The following UGP2 variants were observed in gnomAD, a reference collection of about 807,000 sequenced individuals.
UGP2 encodes the protein UTP--glucose-1-phosphate uridylyltransferase.
A neutral mutation model predicts 49.0 loss-of-function variants in UGP2; 40 were observed. The observed-to-expected ratio is 0.82, with a 90% CI of 0.63 to 1.06. The LOEUF (loss-of-function observed/expected upper bound fraction) is 1.06, where lower values mean the gene tolerates loss of function less well. UGP2 is among the 50% of genes least tolerant of loss of function. The pLI is 0.00. For missense variants in UGP2, 460 were observed against 603.5 expected (o/e 0.76, Z 2.49); for synonymous variants, 225 against 213.0 (o/e 1.06, Z -0.49).
Position 63,874,441 on chromosome 2 carries a change from A to G in UGP2, c.256-8025A>G, listed in dbSNP as rs565193038. Among the ~76,000 whole-genome samples, 15 of 152,310 alleles carry G rather than the reference A, an allele frequency of 9.8e-5. No individual in the cohort carries two copies. The South Asian group carries it at 3.1e-3, about 32-fold the overall frequency. ...TAGCAGCCGAGTATGTTATATTGCC[A>G]TAGAGACAGGAGTAATTGAAGCTGA... On this transcript the variant is annotated intron_variant, in intron 3 of 9. Transcript: ENST00000337130.
intron 3 of UGP2, chr2:63,862,732 A>G: frequency 2.2e-6 from 1 of 445,570 alleles, no homozygotes; most frequent in Non-Finnish European, 4.5e-6. Context: ...AGGTGGTAAT[A>G]CTACTATTTG....
At chr2:63,890,329 A>C in intron 9 of UGP2, 144 bp downstream of exon 9, 1 of 621,448 alleles carries the variant, frequency 1.6e-6, no homozygotes, top group Non-Finnish European at 2.8e-6. Flanking sequence ...TACTGAAATG[A>C]GAATCTTTAA....
intron 1 of UGP2, chr2:63,854,892 TG>T (rs900205009): frequency 1.3e-5 from 2 of 152,302 alleles, no homozygotes; most frequent in Non-Finnish European, 2.9e-5. Flanking sequence ...AGTCTGCCTC[TG>T]AAACTTAGAC....
chr2:63,856,328 A>G lies in UGP2; in HGVS notation c.42A>G (p.Gln14=), dbSNP rs371821747. 10 of 1,613,650 alleles carry G rather than the reference A, an allele frequency of 6.2e-6. No individual in the cohort carries two copies. The African/African-American group carries it at 8.0e-5, about 13-fold the overall frequency. Residue 14 remains glutamine (Q), a synonymous_variant, in exon 2 of 10, where the codon CAA becomes CAG. Coordinates refer to ENST00000337130, the MANE Select transcript of UGP2 (RefSeq NM_006759.4). ...AAGATCTTAGCAAAGCAATGTCTCAAGATGGTGCTTCTCAGTTCCAAGAAG... is the reference window on the plus strand; with the variant it reads ...AAGATCTTAGCAAAGCAATGTCTCAGGATGGTGCTTCTCAGTTCCAAGAAG... ...FVQDLSKAMS[Q]DGASQFQEVI...
chr2:63,847,924 A>C (rs1020707154), intron 1 of UGP2, among the ~76,000 whole-genome samples: 4 of 152,238 alleles, frequency 2.6e-5, no homozygotes, highest in African/African-American at 9.6e-5. Flanking sequence ...AGGCATTATG[A>C]GTTCTCAGAA....
intron 1 of UGP2, 178 bp downstream of exon 1, chr2:63,842,382 C>A (rs760040066): frequency 3.1e-6 from 5 of 1,598,504 alleles, no homozygotes; most frequent in Middle Eastern, 1.7e-4. Flanking sequence ...GTTCCAGACG[C>A]GTATAATTTA....
chr2:63,866,766 A>G (rs1670211786), intron 3 of UGP2, among the ~76,000 whole-genome samples: 1 of 152,166 alleles, frequency 6.6e-6, no homozygotes, highest in African/African-American at 2.4e-5. Flanking sequence ...CTCATTGTCA[A>G]TTGGGGGATC....
intron 1 of UGP2, among the ~76,000 whole-genome samples, chr2:63,844,507 G>A (rs1671797718): frequency 6.6e-6 from 1 of 151,968 alleles, no homozygotes; most frequent in African/African-American, 2.4e-5. Context: ...TGCCCTTACA[G>A]GTGAGGAAAG....
chr2:63,855,520 GTTTTTTTT>G (rs372160888), intron 1 of UGP2: 9 of 194,312 alleles, frequency 4.6e-5, no homozygotes, highest in East Asian at 1.7e-4. Flanking sequence ...TTCTTTTTCT[GTTTTTTTT>G]TTTTTTTTTT....
intron 1 of UGP2, among the ~76,000 whole-genome samples, chr2:63,845,867 C>A (rs1671893761): frequency 6.6e-6 from 1 of 152,050 alleles, no homozygotes; most frequent in Admixed American, 6.6e-5. Context: ...TCTCCATCCT[C>A]AAGCATATTG....
chr2:63,887,279 ATT>A (rs1384112605), intron 7 of UGP2, 121 bp from the exon 8 acceptor site: 17 of 1,028,328 alleles, frequency 1.7e-5, no homozygotes, highest in East Asian at 2.9e-5. Context: ...AAAAAAAAAA[ATT>A]TTTTTTTTTC....
At chr2:63,859,736 T>C (rs1190634463) in intron 3 of UGP2, among the ~76,000 whole-genome samples, 6 of 152,238 alleles carry the variant, frequency 3.9e-5, no homozygotes, top group East Asian at 1.9e-4. Flanking sequence ...TTTTTCTGTT[T>C]ATAAAAGTGT....
intron 3 of UGP2, among the ~76,000 whole-genome samples, chr2:63,860,283 T>A (rs1310339466): frequency 6.6e-6 from 1 of 152,240 alleles, no homozygotes; most frequent in Non-Finnish European, 1.5e-5. Flanking sequence ...TATTTTTGTG[T>A]ATGAGTTGAC....
At chr2:63,860,017 G>GCCT (rs1669724152) in intron 3 of UGP2, among the ~76,000 whole-genome samples, 1 of 152,048 alleles carries the variant, frequency 6.6e-6, no homozygotes, top group Admixed American at 6.5e-5. Flanking sequence ...CCTCCTTCTA[G>GCCT]CCTCCTCGTC....
At chr2:63,871,545 C>T (rs1670554808) in intron 3 of UGP2, among the ~76,000 whole-genome samples, 1 of 152,258 alleles carries the variant, frequency 6.6e-6, no homozygotes, top group Admixed American at 6.5e-5. Flanking sequence ...CTCGGCCTCC[C>T]AGTGTGCTGG....
intron 3 of UGP2, among the ~76,000 whole-genome samples, chr2:63,872,428 C>A (rs1401952128): frequency 1.3e-5 from 2 of 152,268 alleles, no homozygotes; most frequent in Middle Eastern, 3.4e-3. Flanking sequence ...TGAATATTTA[C>A]TGTGGGGCCA....
chr2:63,850,076 AAT>A (rs1432924910), intron 1 of UGP2, among the ~76,000 whole-genome samples: 3 of 152,136 alleles, frequency 2.0e-5, no homozygotes, highest in Non-Finnish European at 2.9e-5. Flanking sequence ...ATCTCTTCTG[AAT>A]GTTCTGTTTT....
In UGP2 at chr2:63,862,914, T is replaced by C. The variant is rs1388021811; in HGVS notation, c.255+4978T>C. On this transcript the variant is annotated intron_variant, in intron 3 of 9. Coordinates refer to ENST00000337130, the MANE Select transcript of UGP2 (RefSeq NM_006759.4). ...TTACTAAGGACTTTACTGGAACAGA[T>C]TGTGACGTAAGCAGGTTGGTATTTG... The C allele has an allele frequency of 6.6e-6, 3 of 454,444 alleles. No individual in the cohort carries two copies. The Admixed American group carries it at 7.1e-5, about 11-fold the overall frequency. 28.2% of individuals were successfully genotyped at this position (454,444 alleles called of 1,614,324 possible).
intron 3 of UGP2, among the ~76,000 whole-genome samples, chr2:63,860,268 A>T (rs1043997843): frequency 1.3e-5 from 2 of 152,146 alleles, no homozygotes; most frequent in African/African-American, 4.8e-5. Flanking sequence ...ATACCAGTGG[A>T]TCTATATTTT....
Sources: allele counts gnomAD v4.1 joint callset (sites outside exome capture counted in the v4.1 genomes callset), GRCh38; gene constraint gnomAD v4.1.1; transcripts MANE v1.5; gene names NCBI Gene and HGNC (gene_info 2026-07-23, HGNC 2026-07-21).